The following SLIT2 variants were observed in gnomAD, a reference collection of about 807,000 sequenced individuals.
The protein encoded by SLIT2 is slit guidance ligand 2, also known as slit homolog 2 protein.
SLIT2 carries 41 observed loss-of-function variants against 185.7 expected under a neutral mutation model. The observed-to-expected ratio is 0.22, with a 90% CI of 0.17 to 0.29. The LOEUF is 0.29. SLIT2 is among the 10% of genes least tolerant of loss of function. SLIT2 has a pLI of 1.00. For missense variants in SLIT2, 1,571 were observed against 1,909.0 expected, an observed-to-expected ratio of 0.82 and a Z score of 3.30; for synonymous variants, 693 against 680.2, an observed-to-expected ratio of 1.02 and a Z score of -0.29.
chr4:20,520,568 C>T (rs1720752730), intron 12 of SLIT2, among the ~76,000 whole-genome samples: 1 of 152,082 alleles, frequency 6.6e-6, no homozygotes, highest in Non-Finnish European at 1.5e-5. Flanking sequence ...TTCCTAATCC[C>T]ACAATCTTCA....
intron 4 of SLIT2, among the ~76,000 whole-genome samples, chr4:20,297,388 G>A (rs1380836159): frequency 6.6e-6 from 1 of 152,174 alleles, no homozygotes; most frequent in African/African-American, 2.4e-5. Flanking sequence ...GATTGCCTCA[G>A]AGTCTAGAGG....
intron 5 of SLIT2, among the ~76,000 whole-genome samples, chr4:20,468,039 T>C (rs1714551879): frequency 6.6e-6 from 1 of 152,138 alleles, no homozygotes; most frequent in Non-Finnish European, 1.5e-5. Context: ...CATCATTAAA[T>C]TCATTCTTTA....
intron 4 of SLIT2, among the ~76,000 whole-genome samples, chr4:20,357,431 TAAC>T (rs1410268316): frequency 3.3e-5 from 5 of 152,258 alleles, no homozygotes; most frequent in African/African-American, 9.6e-5. Context: ...TATAACTTAA[TAAC>T]AACAACAAAT....
chr4:20,468,954 A>T (rs1374294461), intron 5 of SLIT2, among the ~76,000 whole-genome samples: 1 of 152,034 alleles, frequency 6.6e-6, no homozygotes, highest in Non-Finnish European at 1.5e-5. Context: ...GTTCTCCTTA[A>T]TGTAAATGAT....
Position 20,294,869 on chromosome 4 carries a change from A to G in SLIT2, c.395+25988A>G, listed in dbSNP as rs1716313655. Among the ~76,000 whole-genome samples, 3 of 152,316 alleles carry G rather than the reference A, an allele frequency of 2.0e-5. No homozygotes were observed. The South Asian group carries it at 6.2e-4, about 32-fold the overall frequency. On this transcript the variant is annotated intron_variant, in intron 4 of 36. Coordinates refer to ENST00000504154, the MANE Select transcript of SLIT2 (RefSeq NM_004787.4). ...CAACCTGAAAGGCAGTCAAAGAAAA[A>G]CAAGGAGGGTATTAAAAGGTCTGAA...
intron 4 of SLIT2, among the ~76,000 whole-genome samples, chr4:20,376,966 A>G (rs1724072764): frequency 6.6e-6 from 1 of 152,066 alleles, no homozygotes; most frequent in Non-Finnish European, 1.5e-5. Flanking sequence ...GCACATATAT[A>G]CCTATGTAAC....
intron 17 of SLIT2, among the ~76,000 whole-genome samples, chr4:20,532,361 T>TA (rs1400765709): frequency 6.6e-6 from 1 of 151,186 alleles, no homozygotes; most frequent in African/African-American, 2.4e-5. Context: ...TAATGTTTTG[T>TA]AACTTCCTTT....
chr4:20,346,840 A>G (rs1721450707), intron 4 of SLIT2, among the ~76,000 whole-genome samples: 1 of 152,168 alleles, frequency 6.6e-6, no homozygotes, highest in Non-Finnish European at 1.5e-5. Context: ...AACGGGAGAA[A>G]GATGAAGACC....
At chr4:20,285,574 C>T (rs997333253) in intron 4 of SLIT2, among the ~76,000 whole-genome samples, 1 of 152,044 alleles carries the variant, frequency 6.6e-6, no homozygotes, top group African/African-American at 2.4e-5. Flanking sequence ...TTTTCTGAGA[C>T]GATGTCTTGC....
chr4:20,565,754 T>A (rs1725038051), intron 26 of SLIT2, among the ~76,000 whole-genome samples: 1 of 151,946 alleles, frequency 6.6e-6, no homozygotes, highest in African/African-American at 2.4e-5. Flanking sequence ...CTCTTTCCCT[T>A]AATACGGTCA....
intron 4 of SLIT2, among the ~76,000 whole-genome samples, chr4:20,420,464 A>T (rs533402783): frequency 6.6e-6 from 1 of 152,194 alleles, no homozygotes; most frequent in Non-Finnish European, 1.5e-5. Context: ...ATGGTCCTTC[A>T]ACTTTACCTG....
chr4:20,428,634 A>G lies in SLIT2; in HGVS notation c.396-39118A>G, dbSNP rs139244081. ...GGCCTTTGAGTGCCCCTAAGTGGCC[A>G]TAATAGAAAATACAGTATTTTACAA... On this transcript the variant is annotated intron_variant, in intron 4 of 36. Transcript: ENST00000504154. Among the ~76,000 whole-genome samples the G allele has an allele frequency of 2.4e-4, 36 of 152,302 alleles. 2 individuals are homozygous for G. The East Asian group carries it at 6.6e-3, about 28-fold the overall frequency.
intron 5 of SLIT2, among the ~76,000 whole-genome samples, chr4:20,470,381 A>G (rs1368154302): frequency 2.0e-5 from 3 of 152,098 alleles, no homozygotes; most frequent in Non-Finnish European, 4.4e-5. Flanking sequence ...TGATTTGTGA[A>G]CAAGGCATTA....
intron 17 of SLIT2, 69 bp downstream of exon 17, chr4:20,532,127 CT>C: frequency 1.1e-6 from 1 of 878,946 alleles, no homozygotes; most frequent in African/African-American, 1.7e-5. Flanking sequence ...AGTTAAGTTT[CT>C]TAGAAAATTA....
intron 4 of SLIT2, among the ~76,000 whole-genome samples, chr4:20,392,750 G>T (rs761822763): frequency 2.0e-5 from 3 of 151,794 alleles, no homozygotes; most frequent in Admixed American, 1.3e-4. Context: ...TATTAGCCTA[G>T]CCCTACACAG....
chr4:20,557,014 C>G (rs1314081196), intron 26 of SLIT2, among the ~76,000 whole-genome samples: 1 of 152,030 alleles, frequency 6.6e-6, no homozygotes, highest in African/African-American at 2.4e-5. Flanking sequence ...CCCCAACTCT[C>G]TTTATTTTTA....
chr4:20,573,414 A>G (rs887482190), intron 29 of SLIT2, among the ~76,000 whole-genome samples: 2 of 152,214 alleles, frequency 1.3e-5, no homozygotes, highest in Non-Finnish European at 2.9e-5. Context: ...TCAGATGTTT[A>G]ATCTATGCAT....
Position 20,368,242 on chromosome 4 carries a change from AAG to A in SLIT2, c.395+99363_395+99364del, listed in dbSNP as rs1403560386. Among the ~76,000 whole-genome samples, 130 of 151,094 alleles carry A rather than the reference AAG, an allele frequency of 8.6e-4. 1 individual carries two copies. The highest frequency in any genetic ancestry group is 2.9e-3 in the African/African-American group (119 of 41,370). ...AGCAAAAAAAAAAAAAAAGAAAAAAAAGAAAGAAAAAAGAGAAAGAATGGGAA... is the reference window on the plus strand; with the variant it reads ...AGCAAAAAAAAAAAAAAAGAAAAAAAAAAGAAAAAAGAGAAAGAATGGGAA... On this transcript the variant is annotated intron_variant, in intron 4 of 36. Transcript: ENST00000504154.
intron 23 of SLIT2, among the ~76,000 whole-genome samples, chr4:20,548,826 G>A (rs557579186): frequency 7.2e-5 from 11 of 152,218 alleles, no homozygotes; most frequent in East Asian, 5.8e-4. Context: ...GGGAAGGGAC[G>A]GCTGACGCAC....
Sources: gnomAD v4.1 joint callset for allele counts (sites outside exome capture counted in the v4.1 genomes callset) on GRCh38, gnomAD v4.1.1 for gene constraint, MANE v1.5 for transcripts, NCBI Gene and HGNC (gene_info 2026-07-23, HGNC 2026-07-21) for gene names.